Variants in ZNF436 observed in about 807,000 individuals in gnomAD.
The protein encoded by ZNF436 is DNA-binding protein.
A neutral mutation model predicts 41.9 loss-of-function variants in ZNF436; 22 were observed. That is an observed-to-expected ratio of 0.53 (90% CI 0.38 to 0.75). ZNF436 has a LOEUF of 0.75. Ranked by LOEUF, ZNF436 falls within the 30% of genes least tolerant of loss-of-function variation. ZNF436 has a pLI of 0.00. For missense variants in ZNF436, 506 were observed against 587.3 expected (o/e 0.86, Z 1.43); for synonymous variants, 217 against 197.8 (o/e 1.10, Z -0.82).
At chr1:23,364,429 G>T (rs1168716208) in intron 3 of ZNF436, among the ~76,000 whole-genome samples, 1 of 152,102 alleles carries the variant, frequency 6.6e-6, no homozygotes, top group Non-Finnish European at 1.5e-5. Flanking sequence ...AGTAGAGACA[G>T]GTTTTACCAT....
In ZNF436 at chr1:23,362,269, G is replaced by A; in HGVS notation, c.1113C>T (p.Phe371=). 6.2e-7 allele frequency: 1 copy of A among 1,614,110 alleles called. No individual in the cohort carries two copies. Among genetic ancestry groups the A allele is most frequent in the Non-Finnish European group, 8.5e-7 (1 of 1,180,014 alleles). The change falls in exon 4 of 4, where the codon TTC becomes TTT. Residue 371 remains phenylalanine (F), a synonymous_variant. Transcript: ENST00000314011. ...PYECNACGKS[F]SRSSHLITHQ... ...GTGTGATGAGATGAGAGCTCCGGCT[G>A]AAGCTTTTCCCACAAGCATTGCATT...
chr1:23,359,701 C>A lies in ZNF436; in HGVS notation c.*2268G>T, dbSNP rs564429634. On this transcript the variant is annotated 3_prime_UTR_variant, in exon 4 of 4. Transcript: ENST00000314011. ...GAGTTCTATACAAAGTTCAACACAG[C>A]AAACGGGCAACAATTGGCAGAAAGA... 1 of 152,786 alleles carries A rather than the reference C, an allele frequency of 6.5e-6. No homozygotes were observed. The highest frequency in any genetic ancestry group is 6.5e-5 in the Admixed American group (1 of 15,300). 9.5% of individuals were successfully genotyped at this position (152,786 alleles called of 1,614,324 possible).
At chr1:23,365,493 C>T (rs1638338571) in intron 3 of ZNF436, among the ~76,000 whole-genome samples, 1 of 151,968 alleles carries the variant, frequency 6.6e-6, no homozygotes, top group Non-Finnish European at 1.5e-5. Flanking sequence ...GTGGGCGGAT[C>T]ACTTGAGGTC....
intron 3 of ZNF436, 129 bp from the exon 4 acceptor site, chr1:23,363,350 G>A: frequency 5.5e-6 from 4 of 733,666 alleles, no homozygotes; most frequent in Non-Finnish European, 8.6e-6. Context: ...GTGCAGTGGT[G>A]TGATCTTGGC....
chr1:23,361,840 C>T lies in ZNF436; in HGVS notation c.*129G>A. 1.0e-6 allele frequency: 1 copy of T among 981,488 alleles called. No homozygotes were observed. Among genetic ancestry groups the T allele is most frequent in the Non-Finnish European group, 1.5e-6 (1 of 687,384 alleles). The allele number at this position is 981,488 out of a possible 1,614,324, so 60.8% of individuals were successfully genotyped here. ...CAGAATTTCAAATGGCTTGTCATCTCTGATGGTTTAAATCGTGGCCCACAA... is the reference window on the plus strand; with the variant it reads ...CAGAATTTCAAATGGCTTGTCATCTTTGATGGTTTAAATCGTGGCCCACAA... On this transcript the variant is annotated 3_prime_UTR_variant, in exon 4 of 4. Coordinates refer to ENST00000314011, the MANE Select transcript of ZNF436 (RefSeq NM_001077195.2).
rs1638403560 is a variant in ZNF436 at position 23,368,120 on chromosome 1, C to T, written c.-60-55G>A. 3.3e-6 allele frequency: 4 copies of T among 1,227,082 alleles called. No individual in the cohort carries two copies. In the Admixed American group the frequency reaches 8.0e-5, roughly 25 times the overall value. The allele number at this position is 1,227,082 out of a possible 1,614,324, so 76.0% of individuals were successfully genotyped here. On this transcript the variant is annotated intron_variant, in intron 1 of 3. Coordinates refer to ENST00000314011, the MANE Select transcript of ZNF436 (RefSeq NM_001077195.2). ...CACGGAAAACAGGCCCTGCCCACTC[C>T]CCAGGGCTGGAGTTCTGGCCCCAAG... is the stretch of plus-strand genomic sequence containing the variant.
At chr1:23,366,996 C>T (rs780447165) in intron 3 of ZNF436, 46 bp downstream of exon 3, 5 of 1,584,148 alleles carry the variant, frequency 3.2e-6, no homozygotes, top group Admixed American at 1.8e-5. Context: ...CATTTTGACA[C>T]GATCTCAAAA....
rs982912588 is a variant in ZNF436 at position 23,360,109 on chromosome 1, A to G, written c.*1860T>C. On this transcript the variant is annotated 3_prime_UTR_variant, in exon 4 of 4. Transcript: ENST00000314011. ...ACCCACAGTCTGCTAGATTTTGTAA[A>G]TAACAAAAAAACATGCTCCTTGCCT... The G allele has an allele frequency of 6.6e-6, 1 of 152,242 alleles. No homozygotes were observed. The highest frequency in any genetic ancestry group is 2.4e-5 in the African/African-American group (1 of 41,460). The allele number at this position is 152,242 out of a possible 1,614,324, so 9.4% of individuals were successfully genotyped here.
chr1:23,362,048 G>T lies in ZNF436; in HGVS notation c.1334C>A (p.Pro445His), dbSNP rs200389380. The T allele has an allele frequency of 2.5e-6, 4 of 1,614,090 alleles. No homozygotes were observed. The Admixed American group carries it at 6.7e-5, about 27-fold the overall frequency. ...CTTCTCACATTCGGTACATTCATAA[G>T]GTTTCTCTCCCGTGTGAACTCTTTG... ...THQRVHTGEKPYECTECEKSF... is the reference protein window; with the variant it reads ...THQRVHTGEKHYECTECEKSF... The change falls in exon 4 of 4, where the codon CCT becomes CAT. Residue 445 changes from proline to histidine, a missense_variant. By Grantham distance (77) the Pro-to-His change is moderately conservative (BLOSUM62 -2). This residue lies in a region of ZNF436 where 278 missense variants were observed against 372.1 expected (regional missense o/e 0.75). Coordinates refer to ENST00000314011, the MANE Select transcript of ZNF436 (RefSeq NM_001077195.2).
rs1322369086 is a variant in ZNF436, at chr1:23,362,080, G to T, written c.1302C>A (p.Ile434=). The T allele has an allele frequency of 5.0e-6, 8 of 1,613,902 alleles. No homozygotes were observed. The highest frequency in any genetic ancestry group is 6.8e-6 in the Non-Finnish European group (8 of 1,180,006). ...GKGFTQSSNL[I]THQRVHTGEK... is the part of the protein sequence containing the mutation. ...CTCCCGTGTGAACTCTTTGATGTGT[G>T]ATGAGGTTGGAGCTCTGGGTGAAAC... The change falls in exon 4 of 4, where the codon ATC becomes ATA. Residue 434 remains isoleucine (I), a synonymous_variant. Transcript: ENST00000314011.
chr1:23,365,268 C>A (rs1638333376), intron 3 of ZNF436, among the ~76,000 whole-genome samples: 1 of 150,704 alleles, frequency 6.6e-6, no homozygotes, highest in South Asian at 2.1e-4. Flanking sequence ...TGGTGGCGGG[C>A]ACCTGTAGTC....
At chr1:23,365,176 G>A (rs1011145661) in intron 3 of ZNF436, among the ~76,000 whole-genome samples, 24 of 148,326 alleles carry the variant, frequency 1.6e-4, no homozygotes, top group African/African-American at 5.5e-4. Flanking sequence ...GGCAGATCAC[G>A]AGGTCAGGAG....
At chr1:23,368,165 G>C in intron 1 of ZNF436, 100 bp from the exon 2 acceptor site, 2 of 748,202 alleles carry the variant, frequency 2.7e-6, no homozygotes, top group Non-Finnish European at 4.4e-6. Context: ...GAGGGCCCTG[G>C]ACCAGGGCCG....
rs1307474011 is a variant in ZNF436 at position 23,362,104 on chromosome 1, A to C, written c.1278T>G (p.Gly426=). The change falls in exon 4 of 4, where the codon GGT becomes GGG. Residue 426 remains glycine (G), a synonymous_variant. Transcript: ENST00000314011. ...KPYECVQCGK[G]FTQSSNLITH... Reference sequence around the variant, plus strand: ...TGATGAGGTTGGAGCTCTGGGTGAAACCTTTCCCACACTGCACACACTCGT... The same window carrying C: ...TGATGAGGTTGGAGCTCTGGGTGAACCCTTTCCCACACTGCACACACTCGT... 1 of 1,613,254 alleles carries C rather than the reference A, an allele frequency of 6.2e-7. No homozygotes were observed. Among genetic ancestry groups the C allele is most frequent in the Admixed American group, 1.7e-5 (1 of 59,928 alleles).
Position 23,367,180 on chromosome 1 carries a change from C to T in ZNF436, c.34-12G>A, listed in dbSNP as rs1334724159. 1.2e-6 allele frequency: 2 copies of T among 1,600,920 alleles called. No homozygotes were observed. The highest frequency in any genetic ancestry group is 1.1e-5 in the South Asian group (1 of 88,448). Reference sequence around the variant, plus strand: ...AACGTCACAGGTGCCTGAAATCACACGATACTTCCCTACTATTCTGTATTT... The same window carrying T: ...AACGTCACAGGTGCCTGAAATCACATGATACTTCCCTACTATTCTGTATTT... On this transcript the variant is annotated splice_polypyrimidine_tract_variant and intron_variant, in intron 2 of 3. Coordinates refer to ENST00000314011, the MANE Select transcript of ZNF436 (RefSeq NM_001077195.2).
intron 3 of ZNF436, among the ~76,000 whole-genome samples, chr1:23,364,589 T>C (rs897195229): frequency 3.3e-5 from 5 of 152,220 alleles, no homozygotes; most frequent in South Asian, 2.1e-4. Flanking sequence ...TATGTCATAG[T>C]TGACAGAAAA....
intron 1 of ZNF436, 126 bp from the exon 2 acceptor site, chr1:23,368,191 T>C (rs1638405942): frequency 1.6e-6 from 1 of 631,882 alleles, no homozygotes; most frequent in Non-Finnish European, 2.8e-6. Context: ...CTCTCCTCCC[T>C]GACCCTCGAG....
rs372720347 is a variant in ZNF436, at chr1:23,369,534, C to G, written c.-229G>C. 4 of 532,820 alleles carry G rather than the reference C, an allele frequency of 7.5e-6. No individual in the cohort carries two copies. The highest frequency in any genetic ancestry group is 1.5e-5 in the Non-Finnish European group (4 of 258,818). The allele number at this position is 532,820 out of a possible 1,614,324, so 33.0% of individuals were successfully genotyped here. ...CGCAGGTAGATCTCGAATTCGTAGA[C>G]TTGCAGGCGAAGCCCAGATATCGTA... On this transcript the variant is annotated 5_prime_UTR_variant, in exon 1 of 4. Transcript: ENST00000314011.
intron 3 of ZNF436, among the ~76,000 whole-genome samples, chr1:23,364,559 G>C (rs1168591130): frequency 2.0e-5 from 3 of 152,150 alleles, no homozygotes; most frequent in Admixed American, 1.3e-4. Flanking sequence ...TGTTAATATG[G>C]AGAAAAATGA....
Sources: gnomAD v4.1 joint callset for allele counts (sites outside exome capture counted in the v4.1 genomes callset) on GRCh38, gnomAD v4.1.1 for gene constraint, gnomAD v4.1.1 regional missense constraint, MANE v1.5 for transcripts, NCBI Gene and HGNC (gene_info 2026-07-23, HGNC 2026-07-21) for gene names.